Variants in PIAS1 observed in about 807,000 individuals in gnomAD.
PIAS1 encodes the protein protein inhibitor of activated STAT 1, also known as E3 SUMO-protein ligase PIAS1.
Under a neutral mutation model 71.3 loss-of-function variants are expected in PIAS1, and 6 were observed. The ratio of observed to expected loss-of-function variants is 0.08; its 90% CI spans 0.05 to 0.17. PIAS1 has a LOEUF of 0.17. Among genes scored for constraint, PIAS1 ranks in the 10% least tolerant of loss-of-function variants. PIAS1 has a pLI of 1.00. For missense variants in PIAS1, 555 were observed against 793.6 expected (o/e 0.70, Z 3.61); for synonymous variants, 303 against 292.9 (o/e 1.03, Z -0.35).
Position 68,136,271 on chromosome 15 carries a change from A to G in PIAS1, c.470-5675A>G, listed in dbSNP as rs1381734870. 3.6e-5 allele frequency among the ~76,000 whole-genome samples: 2 copies of G among 55,164 alleles called. 1 individual carries two copies. The highest frequency in any genetic ancestry group is 9.8e-4 in the East Asian group (2 of 2,050). The allele number at this position is 55,164 out of a possible 152,430, so 36.2% of individuals were successfully genotyped here. A position where few individuals can be genotyped will look rare whatever the true frequency, so the allele number is the denominator to read the frequency against. On this transcript the variant is annotated intron_variant, in intron 2 of 13. Coordinates refer to ENST00000249636, the MANE Select transcript of PIAS1 (RefSeq NM_016166.3). Reference sequence around the variant, plus strand: ...CAGGCGGCTGGGAGGTGGAGGTTGTAGCGAGCCGAGGTCACGCCACTGCAC... The same window carrying G: ...CAGGCGGCTGGGAGGTGGAGGTTGTGGCGAGCCGAGGTCACGCCACTGCAC...
At chr15:68,128,349 T>C (rs2092666677) in intron 2 of PIAS1, among the ~76,000 whole-genome samples, 1 of 152,086 alleles carries the variant, frequency 6.6e-6, no homozygotes. Context: ...GTACTTTTAG[T>C]AGGGACAGGG....
At chr15:68,114,947 T>C (rs975742071) in intron 2 of PIAS1, among the ~76,000 whole-genome samples, 1 of 152,100 alleles carries the variant, frequency 6.6e-6, no homozygotes, top group African/African-American at 2.4e-5. Flanking sequence ...ACTTTGATAA[T>C]TAATACTTAC....
intron 2 of PIAS1, among the ~76,000 whole-genome samples, chr15:68,141,165 C>T (rs545255082): frequency 6.6e-6 from 1 of 152,204 alleles, no homozygotes; most frequent in African/African-American, 2.4e-5. Context: ...TGCCACTGTA[C>T]TCCAGCCTGG....
chr15:68,070,207 A>G (rs2092079513), intron 1 of PIAS1, among the ~76,000 whole-genome samples: 1 of 152,206 alleles, frequency 6.6e-6, no homozygotes, highest in Non-Finnish European at 1.5e-5. Context: ...CTTTTCTCCT[A>G]CAAAGTGGGA....
At chr15:68,109,974 C>T (rs1322725359) in intron 2 of PIAS1, among the ~76,000 whole-genome samples, 3 of 152,128 alleles carry the variant, frequency 2.0e-5, no homozygotes, top group Non-Finnish European at 2.9e-5. Flanking sequence ...TAAATTTAAA[C>T]AATTTTTACT....
Position 68,132,879 on chromosome 15 carries a change from A to G in PIAS1, c.470-9067A>G, listed in dbSNP as rs2092697432. 3.3e-5 allele frequency among the ~76,000 whole-genome samples: 5 copies of G among 152,158 alleles called. 1 individual carries two copies. The South Asian group carries it at 1.0e-3, about 31-fold the overall frequency. On this transcript the variant is annotated intron_variant, in intron 2 of 13. Coordinates refer to ENST00000249636, the MANE Select transcript of PIAS1 (RefSeq NM_016166.3). ...TTTGATTTAAACGTAAAAATTAACT[A>G]GAAAACTATTAAAATTCTTCCTATT...
chr15:68,097,723 G>A (rs1357744717), intron 2 of PIAS1, among the ~76,000 whole-genome samples: 7 of 152,106 alleles, frequency 4.6e-5, no homozygotes, highest in Non-Finnish European at 7.4e-5. Flanking sequence ...GTGAGCCACC[G>A]TGCCCAGCCT....
chr15:68,140,306 G>A (rs1424831776), intron 2 of PIAS1, among the ~76,000 whole-genome samples: 3 of 152,042 alleles, frequency 2.0e-5, no homozygotes, highest in Non-Finnish European at 4.4e-5. Flanking sequence ...AATTATTTTA[G>A]CACTTTTTAA....
chr15:68,087,090 C>T (rs1327190004), intron 2 of PIAS1, among the ~76,000 whole-genome samples: 1 of 152,086 alleles, frequency 6.6e-6, no homozygotes, highest in African/African-American at 2.4e-5. Context: ...CTGATTAGTT[C>T]TTAATTTTCA....
intron 1 of PIAS1, among the ~76,000 whole-genome samples, chr15:68,066,640 T>C (rs886525229): frequency 6.6e-6 from 1 of 152,172 alleles, no homozygotes; most frequent in Non-Finnish European, 1.5e-5. Context: ...TTTCTGCATT[T>C]CTTTAGAGTG....
intron 4 of PIAS1, 144 bp downstream of exon 4, chr15:68,142,481 A>G (rs1443867575): frequency 1.7e-6 from 1 of 589,950 alleles, no homozygotes; most frequent in East Asian, 2.9e-5. Context: ...GGGGAAATGG[A>G]AAAAAAATTT....
chr15:68,182,118 AT>A (rs35772045), intron 12 of PIAS1, among the ~76,000 whole-genome samples: 5 of 150,406 alleles, frequency 3.3e-5, no homozygotes, highest in South Asian at 2.1e-4. Context: ...CTTCTTAAAA[AT>A]TTTTTTTTTA....
At chr15:68,110,626 G>A (rs1337297585) in intron 2 of PIAS1, among the ~76,000 whole-genome samples, 1 of 151,986 alleles carries the variant, frequency 6.6e-6, no homozygotes, top group Non-Finnish European at 1.5e-5. Context: ...GCTGGGCATG[G>A]TGGTGCGTGC....
rs1034432194 is a variant in PIAS1 at position 68,190,218 on chromosome 15, G to A, written c.*2383G>A. On this transcript the variant is annotated 3_prime_UTR_variant, in exon 14 of 14. Coordinates refer to ENST00000249636, the MANE Select transcript of PIAS1 (RefSeq NM_016166.3). The surrounding 1 kb of genome is among the most constrained non-coding windows in gnomAD (Gnocchi z 4.7). ...GGTAATAGGGAGAAATAAACATACG[G>A]TGGTTTCAGTGGTTTTGGTCATGTG... The A allele has an allele frequency of 1.6e-4, 25 of 152,154 alleles. No individual in the cohort carries two copies. Among genetic ancestry groups the A allele is most frequent in the Non-Finnish European group, 8.8e-5 (6 of 68,030 alleles). 9.4% of individuals were successfully genotyped at this position (152,154 alleles called of 1,614,324 possible).
intron 2 of PIAS1, among the ~76,000 whole-genome samples, chr15:68,111,921 A>C (rs1220646173): frequency 6.6e-6 from 1 of 152,140 alleles, no homozygotes; most frequent in Non-Finnish European, 1.5e-5. Context: ...ACCCTAGTCC[A>C]TACACTCTCC....
At position 68,081,186 on chromosome 15, in the gene PIAS1, T is replaced by C. The variant is rs111470939; in HGVS notation, c.25-5120T>C. Among the ~76,000 whole-genome samples, 366 of 152,312 alleles carry C rather than the reference T, an allele frequency of 2.4e-3. 1 individual carries two copies. Among genetic ancestry groups the C allele is most frequent in the African/African-American group, 8.7e-3 (361 of 41,566 alleles). ...AAGTTTTACATATCTGAAAAGGGGATTGAATAAAATGTTATTGTCTTGAAT... is the reference window on the plus strand; with the variant it reads ...AAGTTTTACATATCTGAAAAGGGGACTGAATAAAATGTTATTGTCTTGAAT... On this transcript the variant is annotated intron_variant, in intron 1 of 13. Coordinates refer to ENST00000249636, the MANE Select transcript of PIAS1 (RefSeq NM_016166.3).
intron 2 of PIAS1, among the ~76,000 whole-genome samples, chr15:68,137,697 C>T (rs1392055741): frequency 6.6e-6 from 1 of 152,128 alleles, no homozygotes; most frequent in Non-Finnish European, 1.5e-5. Flanking sequence ...ACCTCAATTT[C>T]TTCATCTGAA....
intron 2 of PIAS1, among the ~76,000 whole-genome samples, chr15:68,125,072 A>G (rs982150309): frequency 6.6e-6 from 1 of 152,196 alleles, no homozygotes; most frequent in Non-Finnish European, 1.5e-5. Flanking sequence ...CTATGTAAAC[A>G]CTATTTGTAA....
chr15:68,078,105 C>A (rs2092190098), intron 1 of PIAS1, among the ~76,000 whole-genome samples: 1 of 152,182 alleles, frequency 6.6e-6, no homozygotes, highest in Non-Finnish European at 1.5e-5. Context: ...AAAGAATAAT[C>A]ATCTTTTAGA....
Sources: gnomAD v4.1 joint callset for allele counts (sites outside exome capture counted in the v4.1 genomes callset) on GRCh38, gnomAD v4.1.1 for gene constraint, Gnocchi (gnomAD v3.1) non-coding constraint, MANE v1.5 for transcripts, NCBI Gene and HGNC (gene_info 2026-07-23, HGNC 2026-07-21) for gene names.